The following COL14A1 variants were observed in gnomAD, a reference collection of about 807,000 sequenced individuals.
COL14A1 encodes collagen alpha-1(XIV) chain.
Under a neutral mutation model 230.3 loss-of-function variants are expected in COL14A1, and 136 were observed. The observed-to-expected ratio is 0.59, with a 90% CI of 0.51 to 0.68. COL14A1 has a LOEUF of 0.68. Among genes scored for constraint, COL14A1 ranks in the 30% least tolerant of loss-of-function variants. The pLI is 0.00. For missense variants in COL14A1, 1,976 were observed against 2,215.8 expected, an observed-to-expected ratio of 0.89 and a Z score of 2.17; for synonymous variants, 792 against 784.1, an observed-to-expected ratio of 1.01 and a Z score of -0.17.
rs148839612 is a variant in COL14A1 at position 120,343,667 on chromosome 8, C to A, written c.4888+1221C>A. 1.5e-4 allele frequency among the ~76,000 whole-genome samples: 23 copies of A among 152,252 alleles called. No homozygotes were observed. In the East Asian group the frequency reaches 4.2e-3, roughly 28 times the overall value. On this transcript the variant is annotated intron_variant, in intron 44 of 47. Coordinates refer to ENST00000297848, the MANE Select transcript of COL14A1 (RefSeq NM_021110.4). ...TTAATTTTCTGTTATATTGCCCAAACTATGTGTGTGTCTGTGACAGAGAAT... is the reference window on the plus strand; with the variant it reads ...TTAATTTTCTGTTATATTGCCCAAAATATGTGTGTGTCTGTGACAGAGAAT...
In COL14A1 at chr8:120,131,839, T is replaced by C. The variant is rs1438758354; in HGVS notation, c.-38+6499T>C. Among the ~76,000 whole-genome samples the C allele has an allele frequency of 3.0e-4, 5 of 16,830 alleles. No homozygotes were observed. The East Asian group carries it at 7.8e-3, about 26-fold the overall frequency. The allele number at this position is 16,830 out of a possible 152,430, so 11.0% of individuals were successfully genotyped here. A position where few individuals can be genotyped will look rare whatever the true frequency, so the allele number is the denominator to read the frequency against. On this transcript the variant is annotated intron_variant, in intron 1 of 47. Coordinates refer to ENST00000297848, the MANE Select transcript of COL14A1 (RefSeq NM_021110.4). ...GTTTTCTTCCTTTTTTCTTCCTTTC[T>C]TTTTTTTTTTTTTTTTTTTTTTTTT... is the stretch of plus-strand genomic sequence containing the variant.
chr8:120,245,173 C>A (rs953918134), intron 20 of COL14A1, among the ~76,000 whole-genome samples: 1 of 152,220 alleles, frequency 6.6e-6, no homozygotes, highest in Non-Finnish European at 1.5e-5. Context: ...CCACCCCATG[C>A]AAAGTAGCCC....
At chr8:120,147,014 C>G (rs932355396) in intron 1 of COL14A1, among the ~76,000 whole-genome samples, 1 of 151,812 alleles carries the variant, frequency 6.6e-6, no homozygotes, top group African/African-American at 2.4e-5. Flanking sequence ...TCCAATTCTG[C>G]CTCTCTCCCT....
chr8:120,143,085 ATGAT>A (rs1267946657), intron 1 of COL14A1, among the ~76,000 whole-genome samples: 1 of 152,188 alleles, frequency 6.6e-6, no homozygotes, highest in African/African-American at 2.4e-5. Flanking sequence ...ACAGAATTGA[ATGAT>A]TGTAGGAGTT....
chr8:120,291,517 G>A (rs1042119130), intron 34 of COL14A1, among the ~76,000 whole-genome samples: 9 of 126,888 alleles, frequency 7.1e-5, no homozygotes, highest in South Asian at 5.0e-4. Context: ...CCAAGATCGC[G>A]CCACTGCACT....
At chr8:120,370,604 A>G (rs889573376) in intron 47 of COL14A1, 2 of 1,452,196 alleles carry the variant, frequency 1.4e-6, no homozygotes, top group African/African-American at 2.8e-5. Context: ...TTTAATAGAC[A>G]CTGACTGCTC....
intron 19 of COL14A1, among the ~76,000 whole-genome samples, chr8:120,234,654 G>T (rs1818382419): frequency 2.0e-5 from 3 of 152,026 alleles, no homozygotes; most frequent in Non-Finnish European, 4.4e-5. Flanking sequence ...TGCATCCCAG[G>T]GATGAAGCCG....
chr8:120,341,307 A>C lies in COL14A1; in HGVS notation c.4786-18A>C. 6.2e-7 allele frequency: 1 copy of C among 1,613,992 alleles called. No homozygotes were observed. The highest frequency in any genetic ancestry group is 8.5e-7 in the Non-Finnish European group (1 of 1,179,858). On this transcript the variant is annotated intron_variant, in intron 42 of 47. Transcript: ENST00000297848. ...AGTGCAATATCATAAGTAACTTGACAATTTTCCATTTATACAGGGTGTCCC... is the reference window on the plus strand; with the variant it reads ...AGTGCAATATCATAAGTAACTTGACCATTTTCCATTTATACAGGGTGTCCC...
chr8:120,185,596 C>T (rs62527010), intron 5 of COL14A1, among the ~76,000 whole-genome samples: 51,411 of 151,880 alleles, frequency 0.34, 9,516 homozygotes, highest in Admixed American at 0.48. Flanking sequence ...CCCAGGAATG[C>T]GAGATTGTAG....
chr8:120,254,062 G>T (rs1819060883), intron 22 of COL14A1, among the ~76,000 whole-genome samples: 1 of 152,160 alleles, frequency 6.6e-6, no homozygotes, highest in African/African-American at 2.4e-5. Context: ...CAGTGTAAAT[G>T]TATAAATTAT....
chr8:120,364,963 A>G (rs771356537), intron 45 of COL14A1, among the ~76,000 whole-genome samples: 1 of 151,870 alleles, frequency 6.6e-6, no homozygotes, highest in Non-Finnish European at 1.5e-5. Flanking sequence ...TTGTGTCTTT[A>G]GGCATTTTCC....
At chr8:120,362,710 A>G (rs1160340011) in intron 45 of COL14A1, among the ~76,000 whole-genome samples, 2 of 152,198 alleles carry the variant, frequency 1.3e-5, no homozygotes, top group East Asian at 1.9e-4. Context: ...CAGGGTGTAT[A>G]TGAGAAATCT....
chr8:120,355,465 G>T (rs978918055), intron 45 of COL14A1, among the ~76,000 whole-genome samples: 1 of 151,068 alleles, frequency 6.6e-6, no homozygotes, highest in African/African-American at 2.4e-5. Context: ...GATTGCAGTG[G>T]TGTGATCTCG....
intron 46 of COL14A1, among the ~76,000 whole-genome samples, chr8:120,368,517 A>G (rs1048542621): frequency 3.3e-5 from 5 of 150,864 alleles, no homozygotes; most frequent in Non-Finnish European, 7.4e-5. Context: ...CCTACTTTTC[A>G]TTTCAGTTCT....
At chr8:120,244,509 A>G (rs1818705871) in intron 20 of COL14A1, among the ~76,000 whole-genome samples, 1 of 152,148 alleles carries the variant, frequency 6.6e-6, no homozygotes, top group South Asian at 2.1e-4. Context: ...ACTGAACCCA[A>G]TTGGTAGTCT....
chr8:120,180,867 C>T (rs1055030219), intron 5 of COL14A1, among the ~76,000 whole-genome samples: 5 of 152,056 alleles, frequency 3.3e-5, no homozygotes, highest in South Asian at 2.1e-4. Context: ...CCCAACATGC[C>T]CAGCTCATTT....
chr8:120,157,007 C>A (rs932114720), intron 2 of COL14A1, among the ~76,000 whole-genome samples: 7 of 152,168 alleles, frequency 4.6e-5, no homozygotes, highest in African/African-American at 1.7e-4. Context: ...GAAGTATTAA[C>A]TTTTCTTTTC....
At chr8:120,228,844 T>C (rs1042983987) in intron 18 of COL14A1, 75 bp downstream of exon 18, 4 of 1,263,636 alleles carry the variant, frequency 3.2e-6, no homozygotes, top group Non-Finnish European at 4.6e-6. Context: ...CCTGGTTTTA[T>C]TTATTATTAA....
chr8:120,351,917 C>T (rs1454435438), intron 45 of COL14A1, among the ~76,000 whole-genome samples: 5 of 101,820 alleles, frequency 4.9e-5, no homozygotes, highest in South Asian at 7.7e-4. Flanking sequence ...ATACCAAAGC[C>T]GGGCAGAGAC....
Sources: gnomAD v4.1 joint callset for allele counts (sites outside exome capture counted in the v4.1 genomes callset) on GRCh38, gnomAD v4.1.1 for gene constraint, MANE v1.5 for transcripts, NCBI Gene and HGNC (gene_info 2026-07-23, HGNC 2026-07-21) for gene names.